The following SPATA21 variants were observed in gnomAD, a reference collection of about 807,000 sequenced individuals.
SPATA21 encodes spermatogenesis-associated protein 21.
SPATA21 carries 47 observed loss-of-function variants against 54.8 expected under a neutral mutation model. That is an observed-to-expected ratio of 0.86 (90% CI 0.68 to 1.09). The LOEUF (loss-of-function observed/expected upper bound fraction) is 1.09, where lower values mean the gene tolerates loss of function less well. Among genes scored for constraint, SPATA21 ranks in the 50% least tolerant of loss-of-function variants. The probability of loss-of-function intolerance (pLI) is 0.00; values close to 1 mark genes in which losing one functional copy is unlikely to be tolerated. For synonymous variants in SPATA21, 245 were observed against 235.3 expected (o/e 1.04, Z -0.38); for missense variants, 599 against 596.4 (o/e 1.00, Z -0.05).
intron 7 of SPATA21, among the ~76,000 whole-genome samples, chr1:16,407,059 A>T (rs970950694): frequency 6.6e-6 from 1 of 152,230 alleles, no homozygotes; most frequent in Non-Finnish European, 1.5e-5. Context: ...TGGCCATGAC[A>T]ACAGGGCACC....
At chr1:16,410,345 G>C (rs1216246059) in intron 5 of SPATA21, among the ~76,000 whole-genome samples, 1 of 151,434 alleles carries the variant, frequency 6.6e-6, no homozygotes, top group African/African-American at 2.4e-5. Context: ...TTCCAGGCTC[G>C]AGTGATCCTC....
Position 16,398,764 on chromosome 1 carries a change from G to A in SPATA21, c.*1C>T. ...CTGCCTAGAGTCAGGCCTCCAGAGGGTCAGTGGGTTCGAGCTGGCACAGAG... is the reference window on the plus strand; with the variant it reads ...CTGCCTAGAGTCAGGCCTCCAGAGGATCAGTGGGTTCGAGCTGGCACAGAG... On this transcript the variant is annotated 3_prime_UTR_variant, in exon 13 of 13. Transcript: ENST00000335496. 6.2e-7 allele frequency: 1 copy of A among 1,613,908 alleles called. No homozygotes were observed. The highest frequency in any genetic ancestry group is 8.5e-7 in the Non-Finnish European group (1 of 1,179,820).
In SPATA21 at chr1:16,421,469, C is replaced by G. The variant is rs1553165448; in HGVS notation, c.144+40G>C. 1 of 1,589,256 alleles carries G rather than the reference C, an allele frequency of 6.3e-7. No individual in the cohort carries two copies. The highest frequency in any genetic ancestry group is 1.3e-5 in the African/African-American group (1 of 74,074). Reference sequence around the variant, plus strand: ...CCTCCTGATCCCCCCTGCCTTTCTCCTACACAGCTCGTCCCCGTTCCCCCT... The same window carrying G: ...CCTCCTGATCCCCCCTGCCTTTCTCGTACACAGCTCGTCCCCGTTCCCCCT... On this transcript the variant is annotated intron_variant, in intron 5 of 12. Transcript: ENST00000335496. The surrounding 1 kb of genome is among the most constrained non-coding windows in gnomAD (Gnocchi z 5.2).
chr1:16,411,344 G>A (rs2085837311), intron 5 of SPATA21, among the ~76,000 whole-genome samples: 1 of 151,908 alleles, frequency 6.6e-6, no homozygotes, highest in African/African-American at 2.4e-5. Flanking sequence ...TCACCACCAG[G>A]CCTGGCTAAT....
Position 16,399,412 on chromosome 1 carries a change from C to T in SPATA21, c.1284G>A (p.Gln428=). 3 of 1,613,732 alleles carry T rather than the reference C, an allele frequency of 1.9e-6. No homozygotes were observed. Among genetic ancestry groups the T allele is most frequent in the East Asian group, 4.5e-5 (2 of 44,872 alleles). ...RQPSNHYALD[Q]CTPPGLDPDI... ...CAGGATCCAGGCCAGGGGGTGTGCA[C>T]TGGTCTAGTGCATAGTGGTTGCTCG... The change falls in exon 12 of 13, where the codon CAG becomes CAA. Residue 428 remains glutamine (Q), a synonymous_variant. Coordinates refer to ENST00000335496, the MANE Select transcript of SPATA21 (RefSeq NM_198546.1).
At chr1:16,414,965 C>CA (rs2085958839) in intron 5 of SPATA21, among the ~76,000 whole-genome samples, 1 of 150,662 alleles carries the variant, frequency 6.6e-6, no homozygotes, top group Admixed American at 6.6e-5. Flanking sequence ...TTTCCCATGT[C>CA]GAAGACTCCT....
At position 16,405,105 on chromosome 1, in the gene SPATA21, C is replaced by T. The variant is rs1331317000; in HGVS notation, c.674-1G>A. ...AAGATCTCAAAGTAGCTGCGGAAGG[C>T]TGTGGGGAGGGCAGGGTTATGTGGA... is the stretch of plus-strand genomic sequence containing the variant. On this transcript the variant is annotated splice_acceptor_variant, in intron 7 of 12. Coordinates refer to ENST00000335496, the MANE Select transcript of SPATA21 (RefSeq NM_198546.1). LOFTEE classifies it high-confidence loss of function. 6.2e-7 allele frequency: 1 copy of T among 1,609,130 alleles called. No individual in the cohort carries two copies. Among genetic ancestry groups the T allele is most frequent in the South Asian group, 1.1e-5 (1 of 89,940 alleles).
In SPATA21 at chr1:16,403,976, CAGA is replaced by C. The variant is rs1482463568; in HGVS notation, c.872_874del (p.Phe291del). ...GGCTCATCCCTGCTCACCCACAGAG[CAGA>C]AGAAGCGCCTGGTGTCTGTCATCAC... On this transcript the variant is annotated inframe_deletion, in exon 9 of 13. Coordinates refer to ENST00000335496, the MANE Select transcript of SPATA21 (RefSeq NM_198546.1). 5.7e-6 allele frequency: 9 copies of C among 1,582,838 alleles called. No individual in the cohort carries two copies. Among genetic ancestry groups the C allele is most frequent in the Non-Finnish European group, 6.9e-6 (8 of 1,164,310 alleles).
intron 5 of SPATA21, among the ~76,000 whole-genome samples, chr1:16,413,206 A>G (rs998483809): frequency 6.6e-6 from 1 of 152,182 alleles, no homozygotes; most frequent in Non-Finnish European, 1.5e-5. Flanking sequence ...GGGCCCTGGC[A>G]ACTACCATTT....
rs144717331 is a variant in SPATA21, at chr1:16,409,118, C to T, written c.673G>A (p.Ala225Thr). Residue 225 changes from alanine to threonine, a missense_variant and splice_region_variant, in exon 7 of 13, where the codon GCC becomes ACC. Transcript: ENST00000335496. This position sits in a 1 kb window ranked among gnomAD's most constrained non-coding sequence, Gnocchi z 4.1. Reference protein sequence around the residue: ...EEQLTLKQEEAFRSYFEIFNG... With the variant: ...EEQLTLKQEETFRSYFEIFNG... ...ACCTCCCTGACCTCCCTGCCCTCAC[C>T]TTCCTCTTGCTTCAGGGTCAGTTGC... 123 of 1,614,112 alleles carry T rather than the reference C, an allele frequency of 7.6e-5. 1 individual carries two copies. In the African/African-American group the frequency reaches 1.4e-3, roughly 18 times the overall value.
At chr1:16,412,576 C>T (rs2085882101) in intron 5 of SPATA21, among the ~76,000 whole-genome samples, 1 of 152,106 alleles carries the variant, frequency 6.6e-6, no homozygotes, top group Non-Finnish European at 1.5e-5. Context: ...AATTCTCCTG[C>T]CTCAGCCTCC....
At chr1:16,405,947 G>A (rs1259411658) in intron 7 of SPATA21, among the ~76,000 whole-genome samples, 3 of 152,188 alleles carry the variant, frequency 2.0e-5, no homozygotes, top group Admixed American at 2.0e-4. Context: ...GAACATGGCT[G>A]TAAAGAGCCT....
At chr1:16,405,697 C>T (rs17453064) in intron 7 of SPATA21, among the ~76,000 whole-genome samples, 30,124 of 151,826 alleles carry the variant, frequency 0.2, 3,317 homozygotes, top group Non-Finnish European at 0.25. Context: ...GCTGAGAAAC[C>T]TGACACCACA....
At chr1:16,432,333 G>A (rs1420722933) in intron 2 of SPATA21, among the ~76,000 whole-genome samples, 1 of 151,802 alleles carries the variant, frequency 6.6e-6, no homozygotes, top group Non-Finnish European at 1.5e-5. Flanking sequence ...GGTTGGCCAC[G>A]CTGGTCTTGA....
At chr1:16,403,337 C>CT (rs1369554592) in intron 10 of SPATA21, among the ~76,000 whole-genome samples, 1 of 152,162 alleles carries the variant, frequency 6.6e-6, no homozygotes, top group Non-Finnish European at 1.5e-5. Flanking sequence ...AGCTCAAAGC[C>CT]AGTGCGCACA....
chr1:16,431,142 CAG>C, intron 3 of SPATA21, 194 bp downstream of exon 3: 8 of 1,338,580 alleles, frequency 6.0e-6, no homozygotes, highest in South Asian at 3.1e-5. Flanking sequence ...CCATTTTTAA[CAG>C]AGTCTTAATT....
rs563179545 is a variant in SPATA21 at position 16,408,278 on chromosome 1, G to A, written c.673+840C>T. Among the ~76,000 whole-genome samples the A allele has an allele frequency of 8.7e-4, 132 of 152,296 alleles. 1 individual carries two copies. The highest frequency in any genetic ancestry group is 1.5e-3 in the Non-Finnish European group (104 of 68,024). On this transcript the variant is annotated intron_variant, in intron 7 of 12. Transcript: ENST00000335496. ...TGGGGTCACAGGGCCCCTTCCTGAG[G>A]ACAATAGAGAGCAGGGTAGGTGTTC... is the stretch of plus-strand genomic sequence containing the variant.
chr1:16,417,113 T>G (rs2086030437), intron 5 of SPATA21, among the ~76,000 whole-genome samples: 1 of 152,186 alleles, frequency 6.6e-6, no homozygotes, highest in Non-Finnish European at 1.5e-5. Context: ...CAGTCTAGCT[T>G]TTCAGCCGCT....
chr1:16,434,016 C>T (rs573637103), intron 1 of SPATA21, among the ~76,000 whole-genome samples: 1 of 152,180 alleles, frequency 6.6e-6, no homozygotes, highest in African/African-American at 2.4e-5. Context: ...TCTTCCCACC[C>T]CAAACCCAGC....
Sources: gnomAD v4.1 joint callset for allele counts (sites outside exome capture counted in the v4.1 genomes callset) on GRCh38, gnomAD v4.1.1 for gene constraint, Gnocchi (gnomAD v3.1) non-coding constraint, MANE v1.5 for transcripts, NCBI Gene and HGNC (gene_info 2026-07-23, HGNC 2026-07-21) for gene names.